The following NFIB variants were observed in gnomAD, a reference collection of about 807,000 sequenced individuals.
The protein encoded by NFIB is nuclear factor I B, also known as nuclear factor 1 B-type.
A neutral mutation model predicts 61.5 loss-of-function variants in NFIB; 11 were observed. The ratio of observed to expected loss-of-function variants is 0.18; its 90% CI spans 0.11 to 0.30. The LOEUF is 0.30. Ranked by LOEUF, NFIB falls within the 10% of genes least tolerant of loss-of-function variation. The probability of loss-of-function intolerance (pLI) is 1.00; values close to 1 mark genes in which losing one functional copy is unlikely to be tolerated. For missense variants in NFIB, 471 were observed against 608.9 expected, an observed-to-expected ratio of 0.77 and a Z score of 2.38; for synonymous variants, 260 against 216.5, an observed-to-expected ratio of 1.20 and a Z score of -1.76.
chr9:14,169,033 TCTTA>T (rs1396792172), intron 3 of NFIB, among the ~76,000 whole-genome samples: 14 of 152,230 alleles, frequency 9.2e-5, no homozygotes, highest in Non-Finnish European at 1.3e-4. Flanking sequence ...TCTAGTTCTA[TCTTA>T]CTTATTTAGA....
chr9:14,391,296 T>C (rs2061617270), intron 1 of NFIB, among the ~76,000 whole-genome samples: 1 of 151,720 alleles, frequency 6.6e-6, no homozygotes, highest in African/African-American at 2.4e-5. Context: ...CTTGTTAGGG[T>C]AGGTAGTTAG....
intron 1 of NFIB, among the ~76,000 whole-genome samples, chr9:14,373,639 T>TGA (rs947304299): frequency 8.8e-6 from 1 of 113,852 alleles, no homozygotes; most frequent in Non-Finnish European, 1.8e-5. Context: ...TGTGTCCACA[T>TGA]GAGTGTGTGT....
intron 3 of NFIB, among the ~76,000 whole-genome samples, chr9:14,172,049 G>A (rs6474821): frequency 0.093 from 14,126 of 152,176 alleles, 733 homozygotes; most frequent in Middle Eastern, 0.17. Context: ...ACAGAGCATG[G>A]CCAACTAAAT....
At chr9:14,162,444 C>T (rs532553723) in intron 3 of NFIB, among the ~76,000 whole-genome samples, 14 of 152,110 alleles carry the variant, frequency 9.2e-5, no homozygotes, top group African/African-American at 3.4e-4. Context: ...TATCTTTGCT[C>T]ATCCATGGAA....
the NFIB span, among the ~76,000 whole-genome samples, chr9:14,443,845 G>A: frequency 1.3e-5 from 2 of 152,092 alleles, no homozygotes; most frequent in African/African-American, 2.4e-5. Context: ...TGAGCATACT[G>A]TCTACCTAAC....
At chr9:14,467,045 G>A in the NFIB span, among the ~76,000 whole-genome samples, 1 of 152,150 alleles carries the variant, frequency 6.6e-6, no homozygotes, top group Non-Finnish European at 1.5e-5. Context: ...GGGCAAGAGG[G>A]CAGGAGAACC....
chr9:14,099,789 C>CA (rs1167130012), intron 10 of NFIB, among the ~76,000 whole-genome samples: 3 of 152,188 alleles, frequency 2.0e-5, no homozygotes, highest in Non-Finnish European at 4.4e-5. Flanking sequence ...AACCAAGATA[C>CA]TGGCTGGGCA....
At chr9:14,344,093 G>GGAGA (rs965359256) in intron 1 of NFIB, among the ~76,000 whole-genome samples, 2 of 134,010 alleles carry the variant, frequency 1.5e-5, no homozygotes, top group East Asian at 2.2e-4. Flanking sequence ...TTAAAGAGAG[G>GGAGA]GAGAGAGAGA....
chr9:14,264,468 C>T (rs150303653), intron 2 of NFIB, among the ~76,000 whole-genome samples: 19 of 152,108 alleles, frequency 1.2e-4, no homozygotes, highest in Non-Finnish European at 2.4e-4. Context: ...CCAAAGGAAC[C>T]CCTACTCTCT....
intron 1 of NFIB, among the ~76,000 whole-genome samples, chr9:14,311,948 G>A (rs756278328): frequency 6.6e-6 from 1 of 152,182 alleles, no homozygotes; most frequent in Non-Finnish European, 1.5e-5. Flanking sequence ...ACTTTTACAA[G>A]TAAAGGCAAT....
intron 7 of NFIB, among the ~76,000 whole-genome samples, chr9:14,124,227 A>G (rs2039343234): frequency 6.6e-6 from 1 of 152,178 alleles, no homozygotes; most frequent in Non-Finnish European, 1.5e-5. Context: ...CGTTAGAAAT[A>G]AGAATATTTT....
intron 2 of NFIB, among the ~76,000 whole-genome samples, chr9:14,228,408 C>G (rs2052712073): frequency 6.6e-6 from 1 of 152,012 alleles, no homozygotes; most frequent in Non-Finnish European, 1.5e-5. Context: ...GTTGGCCAGG[C>G]TGGTCTCGAA....
intron 2 of NFIB, among the ~76,000 whole-genome samples, chr9:14,256,535 G>T (rs529349239): frequency 6.6e-6 from 1 of 152,254 alleles, no homozygotes; most frequent in East Asian, 1.9e-4. Flanking sequence ...GAGAAAAAAA[G>T]GAAGAGGAGT....
At chr9:14,223,303 C>T (rs1456595639) in intron 2 of NFIB, among the ~76,000 whole-genome samples, 1 of 152,204 alleles carries the variant, frequency 6.6e-6, no homozygotes, top group African/African-American at 2.4e-5. Context: ...AGCTGATCTA[C>T]TCTGACCTTG....
chr9:14,358,904 T>C (rs535894445), intron 1 of NFIB, among the ~76,000 whole-genome samples: 1 of 152,368 alleles, frequency 6.6e-6, no homozygotes, highest in East Asian at 1.9e-4. Flanking sequence ...TAATGATACA[T>C]CAACCTTATC....
intron 2 of NFIB, chr9:14,300,196 C>A: frequency 2.5e-6 from 1 of 398,508 alleles, no homozygotes; most frequent in East Asian, 3.6e-5. Context: ...CACGTTGCCA[C>A]AGAAAAGTGA....
the NFIB span, among the ~76,000 whole-genome samples, chr9:14,434,897 G>C: frequency 6.6e-6 from 1 of 152,198 alleles, no homozygotes; most frequent in African/African-American, 2.4e-5. Flanking sequence ...AACAGCTGGA[G>C]CTAGCTGGCA....
the NFIB span, among the ~76,000 whole-genome samples, chr9:14,523,533 T>C: frequency 6.6e-6 from 1 of 152,022 alleles, no homozygotes. Context: ...TCGCCATAAA[T>C]GTAAGAATTA....
At chr9:14,384,430 C>A (rs2061525980) in intron 1 of NFIB, among the ~76,000 whole-genome samples, 1 of 152,226 alleles carries the variant, frequency 6.6e-6, no homozygotes, top group African/African-American at 2.4e-5. Context: ...AGCCTCAGCA[C>A]TTTCGAACCT....
Sources: allele counts gnomAD v4.1 joint callset (sites outside exome capture counted in the v4.1 genomes callset), GRCh38; gene constraint gnomAD v4.1.1; transcripts MANE v1.5; gene names NCBI Gene and HGNC (gene_info 2026-07-23, HGNC 2026-07-21).